Variants in PALLD observed in about 807,000 individuals in gnomAD.
PALLD encodes palladin.
A neutral mutation model predicts 123.5 loss-of-function variants in PALLD; 61 were observed. The ratio of observed to expected loss-of-function variants is 0.49; its 90% confidence interval spans 0.40 to 0.61. The LOEUF (loss-of-function observed/expected upper bound fraction) is 0.61. PALLD is among the 20% of genes least tolerant of loss of function. PALLD has a pLI of 0.00. For missense variants in PALLD, 1,273 were observed against 1,377.0 expected (o/e 0.92, Z 1.20); for synonymous variants, 465 against 496.4 (o/e 0.94, Z 0.84).
chr4:168,776,470 T>C (rs545612917), intron 10 of PALLD, among the ~76,000 whole-genome samples: 1 of 152,358 alleles, frequency 6.6e-6, no homozygotes, highest in South Asian at 2.1e-4. Context: ...TGCTTCCTCC[T>C]TTCCAAACTA....
At chr4:168,688,917 G>A (rs1009882315) in intron 6 of PALLD, among the ~76,000 whole-genome samples, 2 of 152,188 alleles carry the variant, frequency 1.3e-5, no homozygotes, top group African/African-American at 4.8e-5. Flanking sequence ...CATTTAATAG[G>A]TTAATCCGTA....
chr4:168,918,708 A>T (rs1760782487), intron 17 of PALLD, among the ~76,000 whole-genome samples: 1 of 152,204 alleles, frequency 6.6e-6, no homozygotes, highest in Admixed American at 6.5e-5. Context: ...AAATGAAGTC[A>T]TACATATGTT....
intron 10 of PALLD, among the ~76,000 whole-genome samples, chr4:168,772,611 G>A (rs2150507365): frequency 6.6e-6 from 1 of 152,266 alleles, no homozygotes; most frequent in Non-Finnish European, 1.5e-5. Flanking sequence ...AATGATAGAG[G>A]TACACAGTTC....
At chr4:168,924,141 T>TA (rs1272724879) in intron 18 of PALLD, 114 bp from the exon 19 acceptor site, 3 of 894,640 alleles carry the variant, frequency 3.4e-6, no homozygotes, top group Admixed American at 2.1e-5. Flanking sequence ...CCACCTGGAG[T>TA]AAAAAATGGT....
chr4:168,738,211 C>T (rs1787948889), intron 10 of PALLD, among the ~76,000 whole-genome samples: 1 of 151,846 alleles, frequency 6.6e-6, no homozygotes, highest in Non-Finnish European at 1.5e-5. Flanking sequence ...TTTCTATAAC[C>T]AAGATTTCAT....
chr4:168,751,397 G>A (rs1263072414), intron 10 of PALLD, among the ~76,000 whole-genome samples: 1 of 152,090 alleles, frequency 6.6e-6, no homozygotes, highest in Non-Finnish European at 1.5e-5. Context: ...TTAATTTTAG[G>A]TATTGGGACA....
intron 2 of PALLD, among the ~76,000 whole-genome samples, chr4:168,626,416 A>T (rs1405956854): frequency 1.3e-5 from 2 of 149,782 alleles, no homozygotes; most frequent in Admixed American, 6.6e-5. Flanking sequence ...AAAAAAAAAA[A>T]AAAAAGGTGG....
intron 2 of PALLD, among the ~76,000 whole-genome samples, chr4:168,656,638 G>GT (rs1778603123): frequency 1.3e-5 from 2 of 152,142 alleles, no homozygotes; most frequent in South Asian, 4.2e-4. Flanking sequence ...ATTATCAATG[G>GT]TTACCTATTT....
intron 10 of PALLD, among the ~76,000 whole-genome samples, chr4:168,733,231 T>C (rs1020916867): frequency 6.6e-6 from 1 of 152,228 alleles, no homozygotes; most frequent in Non-Finnish European, 1.5e-5. Context: ...TTAACTATAA[T>C]TTCCTTACTC....
At chr4:168,742,864 G>T (rs1389271924) in intron 10 of PALLD, among the ~76,000 whole-genome samples, 1 of 152,098 alleles carries the variant, frequency 6.6e-6, no homozygotes, top group Non-Finnish European at 1.5e-5. Flanking sequence ...AATGTAGTTG[G>T]ATTTCCTTCA....
At chr4:168,912,317 T>C (rs1224833003) in intron 15 of PALLD, among the ~76,000 whole-genome samples, 3 of 152,228 alleles carry the variant, frequency 2.0e-5, no homozygotes, top group African/African-American at 7.2e-5. Context: ...AGTCTAATCA[T>C]TGATGGTACA....
intron 2 of PALLD, among the ~76,000 whole-genome samples, chr4:168,622,849 C>T (rs1774893576): frequency 6.6e-6 from 1 of 152,222 alleles, no homozygotes; most frequent in South Asian, 2.1e-4. Flanking sequence ...ATCCAGTCAC[C>T]CGTGCCTTGG....
At chr4:168,665,860 T>C (rs879550539) in intron 2 of PALLD, among the ~76,000 whole-genome samples, 1 of 152,144 alleles carries the variant, frequency 6.6e-6, no homozygotes, top group Non-Finnish European at 1.5e-5. Flanking sequence ...TACTACATAA[T>C]TGGGGCTTTG....
chr4:168,555,610 AT>A (rs778428833), intron 2 of PALLD, among the ~76,000 whole-genome samples: 20 of 152,234 alleles, frequency 1.3e-4, no homozygotes, highest in Non-Finnish European at 2.6e-4. Context: ...CAGATCAATC[AT>A]CTCTTTCTCC....
At chr4:168,693,947 G>T (rs553053498) in intron 8 of PALLD, among the ~76,000 whole-genome samples, 2 of 152,306 alleles carry the variant, frequency 1.3e-5, no homozygotes, top group East Asian at 1.9e-4. Context: ...TTGTGAGTAA[G>T]AACTTCAGAA....
At chr4:168,691,986 C>T (rs1782675976) in intron 8 of PALLD, among the ~76,000 whole-genome samples, 1 of 152,136 alleles carries the variant, frequency 6.6e-6, no homozygotes, top group South Asian at 2.1e-4. Context: ...CATCGTATGT[C>T]CTCCTCAAGA....
chr4:168,591,593 A>G (rs1338262337), intron 2 of PALLD, among the ~76,000 whole-genome samples: 1 of 152,054 alleles, frequency 6.6e-6, no homozygotes, highest in African/African-American at 2.4e-5. Context: ...CTCACCTCCA[A>G]CCCTGCGTAT....
intron 8 of PALLD, among the ~76,000 whole-genome samples, chr4:168,699,472 A>T (rs920668600): frequency 6.6e-6 from 1 of 151,956 alleles, no homozygotes. Flanking sequence ...CAACTGTGTT[A>T]GCCAAACCAT....
intron 10 of PALLD, among the ~76,000 whole-genome samples, chr4:168,795,701 C>T (rs1242636435): frequency 7.4e-6 from 1 of 135,868 alleles, no homozygotes; most frequent in African/African-American, 2.9e-5. Flanking sequence ...TATATTTTTC[C>T]CTAATTGTCT....
Sources: allele counts gnomAD v4.1 joint callset (sites outside exome capture counted in the v4.1 genomes callset), GRCh38; gene constraint gnomAD v4.1.1; transcripts MANE v1.5; gene names NCBI Gene and HGNC (gene_info 2026-07-23, HGNC 2026-07-21).